Variants in PRDM1 observed in about 807,000 individuals in gnomAD.
The protein encoded by PRDM1 is PR domain zinc finger protein 1.
In PRDM1, 13 loss-of-function variants were observed where a neutral mutation model predicts 62.8. That is an observed-to-expected ratio of 0.21 (90% CI 0.13 to 0.33). The LOEUF is 0.33. Among genes scored for constraint, PRDM1 ranks in the 10% least tolerant of loss-of-function variants. The probability of loss-of-function intolerance (pLI) is 1.00; values close to 1 mark genes in which losing one functional copy is unlikely to be tolerated. For synonymous variants in PRDM1, 396 were observed against 417.6 expected, an observed-to-expected ratio of 0.95 and a Z score of 0.63; for missense variants, 895 against 1,058.8, an observed-to-expected ratio of 0.85 and a Z score of 2.15.
chr6:106,058,012 A>T (rs1415518086), intron 1 of PRDM1, among the ~76,000 whole-genome samples: 1 of 152,202 alleles, frequency 6.6e-6, no homozygotes, highest in Non-Finnish European at 1.5e-5. Context: ...ACTTGATTGT[A>T]TAGGTTTACA....
At chr6:106,050,455 T>C (rs1660855936) in intron 1 of PRDM1, among the ~76,000 whole-genome samples, 1 of 152,242 alleles carries the variant, frequency 6.6e-6, no homozygotes, top group South Asian at 2.1e-4. Context: ...GAATTGTTTT[T>C]TTTGTTTAGT....
chr6:106,054,619 A>G (rs1201633462), intron 1 of PRDM1, among the ~76,000 whole-genome samples: 1 of 152,212 alleles, frequency 6.6e-6, no homozygotes, highest in East Asian at 1.9e-4. Context: ...ATTTCAGCCT[A>G]AGAAGATCAG....
intron 1 of PRDM1, among the ~76,000 whole-genome samples, chr6:106,076,863 CTT>C (rs1773612878): frequency 6.6e-6 from 1 of 152,180 alleles, no homozygotes; most frequent in African/African-American, 2.4e-5. Context: ...GGTGGAGTGG[CTT>C]TCCGTGAAAG....
At chr6:106,022,557 TG>T (rs1018756636) in intron 1 of PRDM1, among the ~76,000 whole-genome samples, 22 of 151,930 alleles carry the variant, frequency 1.4e-4, no homozygotes, top group Non-Finnish European at 2.9e-5. Context: ...CTCAAGTAGC[TG>T]GGGTTACAGG....
intron 1 of PRDM1, among the ~76,000 whole-genome samples, chr6:105,993,722 G>A (rs1480803153): frequency 6.6e-6 from 1 of 152,214 alleles, no homozygotes; most frequent in Non-Finnish European, 1.5e-5. Flanking sequence ...TTTGGGCTAG[G>A]ATTTTAGTGA....
chr6:106,049,125 A>G (rs1417725925), intron 1 of PRDM1, among the ~76,000 whole-genome samples: 4 of 152,012 alleles, frequency 2.6e-5, no homozygotes, highest in African/African-American at 7.3e-5. Flanking sequence ...CCCATTTCCA[A>G]TTTTATATTA....
chr6:106,058,917 C>A (rs1292166679), intron 1 of PRDM1, among the ~76,000 whole-genome samples: 1 of 152,166 alleles, frequency 6.6e-6, no homozygotes, highest in East Asian at 1.9e-4. Context: ...GTGTCCTGTT[C>A]AAGAACTCAT....
intron 1 of PRDM1, among the ~76,000 whole-genome samples, chr6:106,053,298 C>T (rs745789657): frequency 1.4e-4 from 22 of 152,070 alleles, no homozygotes; most frequent in Non-Finnish European, 2.6e-4. Context: ...CTAATCAAGT[C>T]GTTTTTGAAT....
At chr6:106,093,683 T>G (rs1774019075) in intron 2 of PRDM1, among the ~76,000 whole-genome samples, 1 of 152,204 alleles carries the variant, frequency 6.6e-6, no homozygotes, top group South Asian at 2.1e-4. Context: ...ATATATATAT[T>G]TATATCTCAA....
chr6:106,024,207 T>C (rs983712923), intron 1 of PRDM1, among the ~76,000 whole-genome samples: 7 of 152,174 alleles, frequency 4.6e-5, no homozygotes, highest in African/African-American at 1.7e-4. Context: ...TTGATTCCTT[T>C]TGTGCCTGGC....
At chr6:106,015,436 C>T (rs1772606859) in intron 1 of PRDM1, among the ~76,000 whole-genome samples, 2 of 152,124 alleles carry the variant, frequency 1.3e-5, no homozygotes, top group African/African-American at 2.4e-5. Context: ...TTTCAGACTC[C>T]TCAAGACTTA....
At chr6:106,066,522 A>G (rs1378523566) in intron 1 of PRDM1, among the ~76,000 whole-genome samples, 2 of 152,216 alleles carry the variant, frequency 1.3e-5, no homozygotes, top group Admixed American at 1.3e-4. Flanking sequence ...ATTTCAAAAG[A>G]TAGTACAACA....
At chr6:106,003,712 C>T (rs1772452963) in intron 1 of PRDM1, among the ~76,000 whole-genome samples, 1 of 152,132 alleles carries the variant, frequency 6.6e-6, no homozygotes, top group African/African-American at 2.4e-5. Flanking sequence ...GCTTTTTATT[C>T]CTGTCTGATT....
intron 1 of PRDM1, among the ~76,000 whole-genome samples, chr6:106,053,381 A>G (rs560416787): frequency 1.8e-4 from 28 of 152,348 alleles, no homozygotes; most frequent in African/African-American, 6.3e-4. Flanking sequence ...AAATGTTGTC[A>G]TAAGTAATCT....
chr6:106,054,063 T>C (rs1226046192), intron 1 of PRDM1, among the ~76,000 whole-genome samples: 7 of 152,036 alleles, frequency 4.6e-5, no homozygotes, highest in Admixed American at 4.6e-4. Context: ...TCGTAGATCA[T>C]AGGTCATCTG....
At chr6:106,080,908 A>G (rs1773683692) in intron 1 of PRDM1, among the ~76,000 whole-genome samples, 1 of 152,162 alleles carries the variant, frequency 6.6e-6, no homozygotes, top group African/African-American at 2.4e-5. Context: ...ACTGAACAAT[A>G]ACTCCTTTGC....
intron 1 of PRDM1, among the ~76,000 whole-genome samples, chr6:106,057,288 AC>A (rs987970360): frequency 6.6e-6 from 1 of 152,210 alleles, no homozygotes; most frequent in Non-Finnish European, 1.5e-5. Context: ...AAGGTTAAGA[AC>A]CTCAAGAATT....
intron 4 of PRDM1, among the ~76,000 whole-genome samples, chr6:106,101,930 T>C (rs1774284916): frequency 6.6e-6 from 1 of 152,132 alleles, no homozygotes; most frequent in African/African-American, 2.4e-5. Flanking sequence ...AAAGAACTAA[T>C]AAGTTTGAAA....
upstream of PRDM1, among the ~76,000 whole-genome samples, chr6:106,045,229 A>G (rs1464088998): frequency 1.3e-5 from 2 of 152,206 alleles, no homozygotes; most frequent in Non-Finnish European, 2.9e-5. Context: ...TAACAGTGTT[A>G]ATCCCCAGAG....
Sources: gnomAD v4.1 joint callset for allele counts (sites outside exome capture counted in the v4.1 genomes callset) on GRCh38, gnomAD v4.1.1 for gene constraint, MANE v1.5 for transcripts, NCBI Gene and HGNC (gene_info 2026-07-23, HGNC 2026-07-21) for gene names.